Variants in FNDC3B observed in about 807,000 individuals in gnomAD.
FNDC3B encodes fibronectin type III domain containing 3B, also known as fibronectin type III domain-containing protein 3B.
A neutral mutation model predicts 151.5 loss-of-function variants in FNDC3B; 12 were observed. The observed-to-expected ratio is 0.08, with a 90% CI of 0.05 to 0.13. FNDC3B has a LOEUF of 0.13. Among genes scored for constraint, FNDC3B ranks in the 10% least tolerant of loss-of-function variants. The probability of loss-of-function intolerance (pLI) is 1.00; values close to 1 mark genes in which losing one functional copy is unlikely to be tolerated. For synonymous variants in FNDC3B, 528 were observed against 549.0 expected, an observed-to-expected ratio of 0.96 and a Z score of 0.54; for missense variants, 1,214 against 1,505.3, an observed-to-expected ratio of 0.81 and a Z score of 3.20.
At chr3:172,155,357 A>G (rs1722430743) in intron 3 of FNDC3B, among the ~76,000 whole-genome samples, 1 of 152,184 alleles carries the variant, frequency 6.6e-6, no homozygotes, top group South Asian at 2.1e-4. Flanking sequence ...GTTTTGGTAT[A>G]TGGTGTAACC....
chr3:172,318,823 C>G (rs1177432526), intron 11 of FNDC3B, among the ~76,000 whole-genome samples: 1 of 152,180 alleles, frequency 6.6e-6, no homozygotes, highest in Non-Finnish European at 1.5e-5. Context: ...CATCAGAGAC[C>G]ATCTTTCACA....
At chr3:172,066,137 A>G (rs1576831342) in intron 1 of FNDC3B, among the ~76,000 whole-genome samples, 1 of 152,232 alleles carries the variant, frequency 6.6e-6, no homozygotes, top group East Asian at 1.9e-4. Flanking sequence ...TTAGCCCACA[A>G]CTGTTATTTA....
At chr3:172,374,529 G>A (rs1735036024) in intron 23 of FNDC3B, among the ~76,000 whole-genome samples, 1 of 152,076 alleles carries the variant, frequency 6.6e-6, no homozygotes, top group African/African-American at 2.4e-5. Context: ...TGAGTAGCTG[G>A]GACTACAGGC....
At chr3:172,075,708 A>C (rs1221499573) in intron 1 of FNDC3B, among the ~76,000 whole-genome samples, 1 of 148,468 alleles carries the variant, frequency 6.7e-6, no homozygotes, top group East Asian at 2.0e-4. Flanking sequence ...AACATATTTT[A>C]CATTGTAGCC....
At chr3:172,070,537 C>CGAGGG (rs1717723670) in intron 1 of FNDC3B, among the ~76,000 whole-genome samples, 1 of 152,106 alleles carries the variant, frequency 6.6e-6, no homozygotes, top group Admixed American at 6.5e-5. Context: ...TAGTGGCTGA[C>CGAGGG]GAGGGGAGAA....
At chr3:172,112,961 G>C (rs902836246) in intron 2 of FNDC3B, among the ~76,000 whole-genome samples, 3 of 152,176 alleles carry the variant, frequency 2.0e-5, no homozygotes, top group African/African-American at 7.2e-5. Flanking sequence ...ACACAGGAGT[G>C]ATCTCGACAA....
Position 172,083,732 on chromosome 3 carries a change from C to T in FNDC3B, c.-28-28720C>T, listed in dbSNP as rs114397446. On this transcript the variant is annotated intron_variant, in intron 1 of 25. Coordinates refer to ENST00000415807, the MANE Select transcript of FNDC3B (RefSeq NM_022763.4). ...GTAGAAAATATAAAGAACTTGATTT[C>T]TTCTGTATATTGACGTCTTCTTACG... Among the ~76,000 whole-genome samples, 168 of 152,228 alleles carry T rather than the reference C, an allele frequency of 1.1e-3. 1 individual carries two copies. Among genetic ancestry groups the T allele is most frequent in the African/African-American group, 3.7e-3 (155 of 41,546 alleles).
chr3:172,358,164 G>A (rs1329416407), intron 22 of FNDC3B, among the ~76,000 whole-genome samples: 1 of 152,218 alleles, frequency 6.6e-6, no homozygotes, highest in Non-Finnish European at 1.5e-5. Flanking sequence ...CTGAGCTGCA[G>A]TTTCTTCAGT....
chr3:172,227,125 A>G, intron 4 of FNDC3B, 178 bp downstream of exon 4: 1 of 537,324 alleles, frequency 1.9e-6, no homozygotes, highest in Non-Finnish European at 3.4e-6. Flanking sequence ...GACGTACCAG[A>G]GAACCAGAGA....
intron 1 of FNDC3B, among the ~76,000 whole-genome samples, chr3:172,090,075 G>A (rs955716419): frequency 2.0e-5 from 3 of 152,120 alleles, no homozygotes; most frequent in African/African-American, 7.2e-5. Context: ...AGTCTATTCC[G>A]AATTTCCAGA....
intron 24 of FNDC3B, among the ~76,000 whole-genome samples, chr3:172,380,201 G>C (rs1314806362): frequency 1.3e-5 from 2 of 151,864 alleles, no homozygotes; most frequent in East Asian, 3.9e-4. Context: ...GTTCAGACAG[G>C]AGATATACAT....
chr3:172,343,530 A>G (rs915196698), intron 18 of FNDC3B, among the ~76,000 whole-genome samples: 6 of 152,188 alleles, frequency 3.9e-5, no homozygotes, highest in East Asian at 1.9e-4. Context: ...TTTGTTTGCA[A>G]CCACCTCTGC....
At chr3:172,073,649 A>G (rs1717882213) in intron 1 of FNDC3B, among the ~76,000 whole-genome samples, 1 of 152,194 alleles carries the variant, frequency 6.6e-6, no homozygotes. Context: ...CTCCTTGCCA[A>G]TAAACTTCCC....
At chr3:172,154,693 T>C (rs1355959632) in intron 3 of FNDC3B, among the ~76,000 whole-genome samples, 1 of 152,182 alleles carries the variant, frequency 6.6e-6, no homozygotes, top group Non-Finnish European at 1.5e-5. Context: ...GCATACTTAA[T>C]TGAGAAACCA....
intron 23 of FNDC3B, among the ~76,000 whole-genome samples, chr3:172,369,696 C>T (rs1008603109): frequency 2.9e-4 from 44 of 152,138 alleles, no homozygotes; most frequent in African/African-American, 8.9e-4. Context: ...CATGCTTAGT[C>T]GGTAAACGGG....
chr3:172,175,897 T>A (rs916434914), intron 3 of FNDC3B, among the ~76,000 whole-genome samples: 1 of 152,236 alleles, frequency 6.6e-6, no homozygotes, highest in African/African-American at 2.4e-5. Context: ...AATGAAAACT[T>A]ACCTGTAACA....
chr3:172,316,938 A>G (rs1469958677), intron 11 of FNDC3B, among the ~76,000 whole-genome samples: 1 of 152,198 alleles, frequency 6.6e-6, no homozygotes, highest in Non-Finnish European at 1.5e-5. Flanking sequence ...TGTATCTGGC[A>G]AGGGCCTTCT....
intron 1 of FNDC3B, among the ~76,000 whole-genome samples, chr3:172,099,470 C>T (rs367965280): frequency 1.3e-5 from 2 of 152,098 alleles, no homozygotes; most frequent in African/African-American, 4.8e-5. Context: ...TTTGTCGTTA[C>T]TTCCTTAGTG....
chr3:172,231,919 C>T lies in FNDC3B; in HGVS notation c.264+4972C>T, dbSNP rs568024574. Among the ~76,000 whole-genome samples the T allele has an allele frequency of 4.2e-4, 54 of 130,054 alleles. No homozygotes were observed. The South Asian group carries it at 9.2e-3, about 22-fold the overall frequency. 85.3% of individuals were successfully genotyped at this position (130,054 alleles called of 152,430 possible). Reference sequence around the variant, plus strand: ...TTTTTGAGATGGAGTCTTGCTCTGACGCCCAGGCTGGTGTGCAGTGGCATG... The same window carrying T: ...TTTTTGAGATGGAGTCTTGCTCTGATGCCCAGGCTGGTGTGCAGTGGCATG... On this transcript the variant is annotated intron_variant, in intron 4 of 25. Coordinates refer to ENST00000415807, the MANE Select transcript of FNDC3B (RefSeq NM_022763.4).
Sources: gnomAD v4.1 joint callset for allele counts (sites outside exome capture counted in the v4.1 genomes callset) on GRCh38, gnomAD v4.1.1 for gene constraint, MANE v1.5 for transcripts, NCBI Gene and HGNC (gene_info 2026-07-23, HGNC 2026-07-21) for gene names.